NOBOX: variants seen among roughly 807,000 people sequenced by gnomAD.
NOBOX encodes NOBOX oogenesis homeobox.
Under a neutral mutation model 60.2 loss-of-function variants are expected in NOBOX, and 46 were observed. The ratio of observed to expected loss-of-function variants is 0.76; its 90% confidence interval spans 0.60 to 0.98. The LOEUF (loss-of-function observed/expected upper bound fraction) is 0.98. NOBOX is among the 50% of genes least tolerant of loss of function. The pLI is 0.00. For synonymous variants in NOBOX, 360 were observed against 346.3 expected (o/e 1.04, Z -0.44); for missense variants, 880 against 865.5 (o/e 1.02, Z -0.21).
intron 2 of NOBOX, 88 bp from the exon 1 acceptor site, chr7:144,403,781 ACGGGCCGGGC>A: frequency 1.0e-5 from 5 of 496,298 alleles, no homozygotes; most frequent in East Asian, 4.1e-5. Flanking sequence ...TGCAGCCCGC[ACGGGCCGGGC>A]CGGGCCGGGG....
intron 6 of NOBOX, 114 bp downstream of exon 4, chr7:144,399,643 C>A: frequency 8.7e-7 from 1 of 1,155,884 alleles, no homozygotes. Context: ...TCTTAGCTGG[C>A]AACCCTAGGA....
Position 144,398,290 on chromosome 7 carries a change from C to A in NOBOX, c.1766G>T (p.Gly589Val). ...TCCCAGCCTCAACTCACCTATATTC[C>A]CAGCAGGTGGTTGCATCAGGATCTG... Residue 589 changes from glycine to valine, a missense_variant, in exon 9 of 10, where the codon GGG (glycine) becomes GTG (valine). Transcript: ENST00000467773. 2 of 1,537,248 alleles carry A rather than the reference C, an allele frequency of 1.3e-6. No homozygotes were observed. Among genetic ancestry groups the A allele is most frequent in the African/African-American group, 1.4e-5 (1 of 73,162 alleles).
chr7:144,401,971 C>A lies in NOBOX; in HGVS notation c.211-21G>T. On this transcript the variant is annotated intron_variant, in intron 2 of 9. Transcript: ENST00000467773. The surrounding 1 kb of genome is among the most constrained non-coding windows in gnomAD (Gnocchi z 4.2). ...TGGGGCTGCGGATGGACCAGGAAGA[C>A]AAAGAGAAACAGATTGACAGAGATT... The A allele has an allele frequency of 1.9e-6, 3 of 1,558,280 alleles. No homozygotes were observed. Among genetic ancestry groups the A allele is most frequent in the Non-Finnish European group, 1.8e-6 (2 of 1,130,332 alleles).
At position 144,398,444 on chromosome 7, in the gene NOBOX, G is replaced by T; in HGVS notation, c.1612C>A (p.Leu538Ile). 1 of 1,537,298 alleles carries T rather than the reference G, an allele frequency of 6.5e-7. No homozygotes were observed. The highest frequency in any genetic ancestry group is 8.7e-7 in the Non-Finnish European group (1 of 1,146,944). ...GGCATGGAGAAGGGGAAAGTGGGGA[G>T]GTAGGGCAACTTGGGCTGAGGGGAC... Residue 538 changes from leucine (L) to isoleucine (I), a missense_variant, in exon 9 of 10, where the codon CTC (leucine) becomes ATC (isoleucine). Coordinates refer to ENST00000467773, the MANE Select transcript of NOBOX (RefSeq NM_001080413.3).
Position 144,397,375 on chromosome 7 carries a change from C to G in NOBOX, c.1941G>C (p.Trp647Cys), listed in dbSNP as rs2053900267. ...TCCCTGGTCTGGCCCCTTCAGGCATCCATGAGAGAGCTGACGAAGGCTGCC... is the reference window on the plus strand; with the variant it reads ...TCCCTGGTCTGGCCCCTTCAGGCATGCATGAGAGAGCTGACGAAGGCTGCC... Residue 647 changes from tryptophan (W) to cysteine (C), a missense_variant, in exon 10 of 10, where the codon TGG (tryptophan) becomes TGC (cysteine). Coordinates refer to ENST00000467773, the MANE Select transcript of NOBOX (RefSeq NM_001080413.3). 6.5e-7 allele frequency: 1 copy of G among 1,537,134 alleles called. No individual in the cohort carries two copies. The highest frequency in any genetic ancestry group is 1.2e-5 in the South Asian group (1 of 84,066).
At chr7:144,409,205 C>A (rs1298338835) in intron 1 of NOBOX, among the ~76,000 whole-genome samples, 2 of 151,128 alleles carry the variant, frequency 1.3e-5, no homozygotes, top group Non-Finnish European at 3.0e-5. Flanking sequence ...TTAATAGTAA[C>A]TTTAAAATAT....
At chr7:144,399,712 C>T (rs780484479) in intron 6 of NOBOX, 45 bp downstream of exon 4, 151 of 1,490,680 alleles carry the variant, frequency 1.0e-4, no homozygotes, top group Non-Finnish European at 1.3e-4. Flanking sequence ...GCTTGGACCC[C>T]ACTTCTACCC....
Position 144,399,096 on chromosome 7 carries a change from TGGG to T in NOBOX, c.1320_1322del (p.Pro441del). 1 of 805,822 alleles carries T rather than the reference TGGG, an allele frequency of 1.2e-6. No homozygotes were observed. The highest frequency in any genetic ancestry group is 1.9e-6 in the Non-Finnish European group (1 of 534,476). 49.9% of individuals were successfully genotyped at this position (805,822 alleles called of 1,614,324 possible). On this transcript the variant is annotated inframe_deletion, in exon 8 of 10. Transcript: ENST00000467773. The stretch of plus-strand genomic sequence containing the variant: ...TTCGCACAGGTGGGGGGCTGAAGAG[TGGG>T]GGGGTCACCACCCTCTGAGCACCCT...
intron 1 of NOBOX, among the ~76,000 whole-genome samples, chr7:144,405,449 G>T (rs2053978871): frequency 6.6e-6 from 1 of 152,210 alleles, no homozygotes; most frequent in South Asian, 2.1e-4. Flanking sequence ...TCAGTGGTGA[G>T]TTAGAAGTAT....
At chr7:144,406,251 G>T (rs1469329741) in intron 1 of NOBOX, among the ~76,000 whole-genome samples, 2 of 152,156 alleles carry the variant, frequency 1.3e-5, no homozygotes, top group Non-Finnish European at 2.9e-5. Flanking sequence ...GGGACTTAGA[G>T]AATTTAAAAT....
rs375571401 is a variant in NOBOX at position 144,399,063 on chromosome 7, A to T, written c.1356T>A (p.Asp452Glu). ...GGACAGGGCCAAGGGGGAAAGGAAGATCGGCCCTTCGCACAGGTGGGGGGC... is the reference window on the plus strand; with the variant it reads ...GGACAGGGCCAAGGGGGAAAGGAAGTTCGGCCCTTCGCACAGGTGGGGGGC... The change falls in exon 8 of 10, where the codon GAT (aspartate) becomes GAA (glutamate). Residue 452 changes from aspartate to glutamate, a missense_variant. Coordinates refer to ENST00000467773, the MANE Select transcript of NOBOX (RefSeq NM_001080413.3). The T allele has an allele frequency of 2.7e-6, 4 of 1,479,470 alleles. No homozygotes were observed. In the African/African-American group the frequency reaches 4.3e-5, roughly 16 times the overall value. 91.6% of individuals were successfully genotyped at this position (1,479,470 alleles called of 1,614,324 possible).
chr7:144,397,117 A>G (rs760360275), downstream of NOBOX: 210 of 800,546 alleles, frequency 2.6e-4, no homozygotes, highest in Non-Finnish European at 3.8e-4. Context: ...CACAGGGGAA[A>G]CGTCTAACTC....
chr7:144,406,704 G>A (rs2053988039), intron 1 of NOBOX, among the ~76,000 whole-genome samples: 2 of 152,210 alleles, frequency 1.3e-5, no homozygotes, highest in Non-Finnish European at 2.9e-5. Flanking sequence ...TACATTGCAT[G>A]GGAAAATGTC....
At chr7:144,406,246 T>A (rs1361664375) in intron 1 of NOBOX, among the ~76,000 whole-genome samples, 1 of 152,144 alleles carries the variant, frequency 6.6e-6, no homozygotes, top group Non-Finnish European at 1.5e-5. Context: ...GCATAGGGAC[T>A]TAGAGAATTT....
Position 144,400,325 on chromosome 7 carries a change from G to T in NOBOX, c.845-13C>A. 1 of 1,612,582 alleles carries T rather than the reference G, an allele frequency of 6.2e-7. No homozygotes were observed. On this transcript the variant is annotated splice_polypyrimidine_tract_variant and intron_variant, in intron 4 of 9. Transcript: ENST00000467773. Reference sequence around the variant, plus strand: ...TCCTCCAGCTGATCTGAAAGAAGAAGAAACTTGTGTGAGGAGGACAAATGC... The same window carrying T: ...TCCTCCAGCTGATCTGAAAGAAGAATAAACTTGTGTGAGGAGGACAAATGC...
chr7:144,403,732 C>T (rs1422271597), intron 2 of NOBOX, 39 bp from the exon 1 acceptor site: 2 of 694,622 alleles, frequency 2.9e-6, no homozygotes, highest in Admixed American at 4.0e-5. Flanking sequence ...CCGTGATGCA[C>T]AGGCGCGGCC....
At chr7:144,398,792 C>A (rs1235992738) in intron 8 of NOBOX, among the ~76,000 whole-genome samples, 158 bp downstream of exon 6, 1 of 152,080 alleles carries the variant, frequency 6.6e-6, no homozygotes, top group African/African-American at 2.4e-5. Context: ...TCCCCTAGGT[C>A]ATTCCCCAGA....
chr7:144,401,186 C>G lies in NOBOX; in HGVS notation c.704G>C (p.Cys235Ser). 6.2e-7 allele frequency: 1 copy of G among 1,613,590 alleles called. No individual in the cohort carries two copies. The highest frequency in any genetic ancestry group is 8.5e-7 in the Non-Finnish European group (1 of 1,179,664). The change falls in exon 4 of 10, where the codon TGT becomes TCT. Residue 235 changes from cysteine to serine, a missense_variant. Cys to Ser is a moderately radical substitution (Grantham distance 112). Coordinates refer to ENST00000467773, the MANE Select transcript of NOBOX (RefSeq NM_001080413.3). This position sits in a 1 kb window ranked among gnomAD's most constrained non-coding sequence, Gnocchi z 4.2. Reference sequence around the variant, plus strand: ...GTGGCAGGGCCCCCGGCCTGACCCACAGGGCACTGGGTTGTGTGTGGCACG... The same window carrying G: ...GTGGCAGGGCCCCCGGCCTGACCCAGAGGGCACTGGGTTGTGTGTGGCACG...
rs1563126618 is a variant in NOBOX at position 144,397,345 on chromosome 7, C to T, written c.1971G>A (p.Gly657=). ...CCTCTTTTGCCTTGCTGAGTAAGGG[C>T]CCAGTCCCTGGTCTGGCCCCTTCAG... is the stretch of plus-strand genomic sequence containing the variant. The change falls in exon 10 of 10, where the codon GGG becomes GGA. Residue 657 remains glycine (G), a synonymous_variant. Coordinates refer to ENST00000467773, the MANE Select transcript of NOBOX (RefSeq NM_001080413.3). 3.3e-6 allele frequency: 5 copies of T among 1,537,212 alleles called. No individual in the cohort carries two copies. Among genetic ancestry groups the T allele is most frequent in the Middle Eastern group, 1.7e-4 (1 of 5,990 alleles).
Sources: allele counts gnomAD v4.1 joint callset (sites outside exome capture counted in the v4.1 genomes callset), GRCh38; gene constraint gnomAD v4.1.1; non-coding constraint Gnocchi (gnomAD v3.1); transcripts MANE v1.5; gene names NCBI Gene and HGNC (gene_info 2026-07-23, HGNC 2026-07-21).